The following UBR1 variants were observed in gnomAD, a reference collection of about 807,000 sequenced individuals.
UBR1 encodes E3 ubiquitin-protein ligase UBR1.
A neutral mutation model predicts 242.1 loss-of-function variants in UBR1; 102 were observed. That is an observed-to-expected ratio of 0.42 (90% CI 0.36 to 0.50). The LOEUF (loss-of-function observed/expected upper bound fraction) is 0.50, where lower values mean the gene tolerates loss of function less well. UBR1 is among the 20% of genes least tolerant of loss of function. The pLI, the probability that UBR1 is intolerant of heterozygous loss-of-function variation, is 0.01. For synonymous variants in UBR1, 675 were observed against 684.8 expected (o/e 0.99, Z 0.22); for missense variants, 1,772 against 2,101.8 (o/e 0.84, Z 3.07).
chr15:42,967,367 ATAAAG>A (rs1043146778), intron 40 of UBR1, among the ~76,000 whole-genome samples: 35 of 151,602 alleles, frequency 2.3e-4, no homozygotes, highest in African/African-American at 8.0e-4. Flanking sequence ...CTGGCCTAAA[ATAAAG>A]TATATTCTTC....
chr15:43,020,232 G>A (rs993775152), intron 27 of UBR1, among the ~76,000 whole-genome samples: 1 of 151,746 alleles, frequency 6.6e-6, no homozygotes, highest in Non-Finnish European at 1.5e-5. Flanking sequence ...GCAGAGATGA[G>A]GTTTCACCAT....
chr15:43,031,043 A>T (rs1415658813), intron 20 of UBR1, among the ~76,000 whole-genome samples: 1 of 152,246 alleles, frequency 6.6e-6, no homozygotes, highest in Non-Finnish European at 1.5e-5. Flanking sequence ...ACAAATCAGG[A>T]ATCTGAGGCC....
intron 1 of UBR1, among the ~76,000 whole-genome samples, chr15:43,094,848 T>C (rs1050743296): frequency 3.3e-5 from 5 of 152,220 alleles, no homozygotes; most frequent in African/African-American, 1.2e-4. Flanking sequence ...GAGTCAAATA[T>C]AGAGCCACAT....
At chr15:42,989,011 C>A in intron 34 of UBR1, 44 bp from the exon 35 acceptor site, 1 of 1,521,786 alleles carries the variant, frequency 6.6e-7, no homozygotes, top group Non-Finnish European at 9.1e-7. Context: ...GTAAAAGGAG[C>A]TACTTAGTAA....
chr15:43,001,919 C>G (rs150190217), intron 32 of UBR1, among the ~76,000 whole-genome samples: 1 of 152,242 alleles, frequency 6.6e-6, no homozygotes, highest in Non-Finnish European at 1.5e-5. Flanking sequence ...ACTGGCAACT[C>G]TAATGATGGC....
chr15:43,038,799 C>T (rs1310897574), intron 15 of UBR1, among the ~76,000 whole-genome samples: 2 of 151,770 alleles, frequency 1.3e-5, no homozygotes, highest in South Asian at 2.1e-4. Context: ...CCTTTAGCCA[C>T]GTATCAAAAG....
intron 19 of UBR1, among the ~76,000 whole-genome samples, chr15:43,033,116 C>T (rs1299635786): frequency 6.6e-6 from 1 of 152,114 alleles, no homozygotes; most frequent in Non-Finnish European, 1.5e-5. Context: ...TTGCAAGTAA[C>T]TTCTATTTTT....
chr15:42,970,637 T>C (rs2032189008), intron 39 of UBR1, 30 bp from the exon 40 acceptor site: 9 of 1,578,524 alleles, frequency 5.7e-6, no homozygotes, highest in Non-Finnish European at 7.8e-6. Context: ...AGATGAATTA[T>C]GTATTTGCTA....
chr15:42,968,513 T>C (rs1239320176), intron 40 of UBR1, among the ~76,000 whole-genome samples: 4 of 151,952 alleles, frequency 2.6e-5, no homozygotes, highest in Admixed American at 6.6e-5. Flanking sequence ...GCATGAACCA[T>C]TGCACCTAGC....
intron 35 of UBR1, among the ~76,000 whole-genome samples, chr15:42,987,783 G>T (rs1020471007): frequency 2.7e-5 from 4 of 147,866 alleles, no homozygotes; most frequent in Non-Finnish European, 6.0e-5. Flanking sequence ...TAAGTGTCTT[G>T]TTACAAAAAT....
At chr15:42,995,608 C>T (rs1282714419) in intron 33 of UBR1, among the ~76,000 whole-genome samples, 3 of 151,914 alleles carry the variant, frequency 2.0e-5, no homozygotes, top group Non-Finnish European at 1.5e-5. Context: ...GTGGAGCTTG[C>T]AGTGAGCCGA....
intron 3 of UBR1, among the ~76,000 whole-genome samples, chr15:43,081,692 C>T (rs2033976635): frequency 6.6e-6 from 1 of 151,836 alleles, no homozygotes; most frequent in Admixed American, 6.6e-5. Context: ...TTTAAGAGTT[C>T]TTTGTATAAT....
At chr15:43,057,686 G>C (rs2033635092) in intron 10 of UBR1, among the ~76,000 whole-genome samples, 1 of 152,084 alleles carries the variant, frequency 6.6e-6, no homozygotes, top group African/African-American at 2.4e-5. Flanking sequence ...ATACACATCT[G>C]TTCTTCTTTC....
chr15:43,020,560 G>A (rs1596105046), intron 27 of UBR1, among the ~76,000 whole-genome samples: 1 of 152,108 alleles, frequency 6.6e-6, no homozygotes, highest in African/African-American at 2.4e-5. Flanking sequence ...TTACTCCACA[G>A]CAGCCAATAC....
chr15:42,970,691 TA>T, intron 39 of UBR1, 84 bp from the exon 40 acceptor site: 2 of 1,255,250 alleles, frequency 1.6e-6, no homozygotes, highest in South Asian at 1.2e-5. Flanking sequence ...TCCAAGACAA[TA>T]AACAACGTAG....
chr15:42,974,390 A>T (rs1349051000), intron 39 of UBR1, among the ~76,000 whole-genome samples: 1 of 152,120 alleles, frequency 6.6e-6, no homozygotes, highest in Non-Finnish European at 1.5e-5. Flanking sequence ...AAATATGTGG[A>T]TCTATATCTG....
chr15:43,054,624 C>A, intron 12 of UBR1, 118 bp downstream of exon 12: 3 of 1,127,232 alleles, frequency 2.7e-6, no homozygotes, highest in South Asian at 2.5e-5. Context: ...TTTGTACTTG[C>A]CATCATTATA....
At chr15:43,036,922 C>CT (rs199620473) in intron 17 of UBR1, among the ~76,000 whole-genome samples, 1,459 of 141,200 alleles carry the variant, frequency 0.01, 14 homozygotes, top group African/African-American at 0.033. Flanking sequence ...CCATTTTTTT[C>CT]TTTTTTTTTT....
At chr15:42,981,949 A>C (rs1179062454) in intron 37 of UBR1, among the ~76,000 whole-genome samples, 1 of 152,270 alleles carries the variant, frequency 6.6e-6, no homozygotes. Context: ...ATAGGCATAA[A>C]GCTACACTAC....
Sources: gnomAD v4.1 joint callset for allele counts (sites outside exome capture counted in the v4.1 genomes callset) on GRCh38, gnomAD v4.1.1 for gene constraint, MANE v1.5 for transcripts, NCBI Gene and HGNC (gene_info 2026-07-23, HGNC 2026-07-21) for gene names.